Variants in DMXL2 observed in about 807,000 individuals in gnomAD.
DMXL2 encodes dmX-like protein 2.
DMXL2 carries 103 observed loss-of-function variants against 331.1 expected under a neutral mutation model. The ratio of observed to expected loss-of-function variants is 0.31; its 90% CI spans 0.27 to 0.37. DMXL2 has a LOEUF of 0.37. DMXL2 is among the 10% of genes least tolerant of loss of function. The pLI is 1.00. For synonymous variants in DMXL2, 1,281 were observed against 1,252.1 expected, an observed-to-expected ratio of 1.02 and a Z score of -0.49; for missense variants, 3,171 against 3,642.9, an observed-to-expected ratio of 0.87 and a Z score of 3.33.
rs140649025 is a variant in DMXL2 at position 51,617,225 on chromosome 15, C to T, written c.87+5234G>A. Among the ~76,000 whole-genome samples the T allele has an allele frequency of 5.3e-5, 8 of 152,170 alleles. No individual in the cohort carries two copies. The East Asian group carries it at 1.4e-3, about 26-fold the overall frequency. ...TTCTAAAGTAATATTTTAAATAGCC[C>T]AAATCCTAAGAACAGAAACTAAAAT... is the stretch of plus-strand genomic sequence containing the variant. On this transcript the variant is annotated intron_variant, in intron 1 of 43. Transcript: ENST00000560891.
At chr15:51,461,960 G>A (rs1370414100) in intron 33 of DMXL2, among the ~76,000 whole-genome samples, 2 of 152,142 alleles carry the variant, frequency 1.3e-5, no homozygotes, top group Non-Finnish European at 2.9e-5. Flanking sequence ...CAAATAATTT[G>A]CCTCTGATTT....
intron 2 of DMXL2, 41 bp from the exon 3 acceptor site, chr15:51,568,599 T>TA: frequency 7.9e-7 from 1 of 1,271,430 alleles, no homozygotes; most frequent in Non-Finnish European, 1.1e-6. Flanking sequence ...TAGAAAAGGG[T>TA]AAAATAAAGA....
chr15:51,477,868 G>C (rs1403927541), intron 26 of DMXL2, among the ~76,000 whole-genome samples: 2 of 151,936 alleles, frequency 1.3e-5, no homozygotes, highest in Non-Finnish European at 2.9e-5. Context: ...TCCATTTTAG[G>C]AATGTACTTT....
intron 26 of DMXL2, among the ~76,000 whole-genome samples, chr15:51,478,001 G>T (rs894296995): frequency 6.6e-6 from 1 of 151,924 alleles, no homozygotes; most frequent in African/African-American, 2.4e-5. Flanking sequence ...AAGTTATTAT[G>T]GACAGTAAAC....
chr15:51,560,644 G>A (rs753640755), intron 6 of DMXL2, among the ~76,000 whole-genome samples: 19 of 149,736 alleles, frequency 1.3e-4, no homozygotes, highest in African/African-American at 2.0e-4. Context: ...ACGCTAGCCC[G>A]GGTGACGGAT....
At chr15:51,542,308 T>C (rs746362931) in intron 9 of DMXL2, 25 bp downstream of exon 9, 15 of 1,595,986 alleles carry the variant, frequency 9.4e-6, no homozygotes, top group Non-Finnish European at 1.2e-5. Context: ...AACATATTTA[T>C]GGGAAATAAA....
At chr15:51,620,787 T>A (rs1053195938) in intron 1 of DMXL2, among the ~76,000 whole-genome samples, 1 of 152,120 alleles carries the variant, frequency 6.6e-6, no homozygotes, top group African/African-American at 2.4e-5. Context: ...GCAAGAAGAT[T>A]TGAAAATGAC....
chr15:51,453,712 G>T, intron 40 of DMXL2, 71 bp from the exon 41 acceptor site: 1 of 1,257,730 alleles, frequency 8.0e-7, no homozygotes, highest in Non-Finnish European at 1.2e-6. Flanking sequence ...CAACATACAT[G>T]TCTGCTAATA....
At chr15:51,609,533 T>A (rs1252142904) in intron 1 of DMXL2, among the ~76,000 whole-genome samples, 3 of 152,238 alleles carry the variant, frequency 2.0e-5, no homozygotes, top group Non-Finnish European at 4.4e-5. Flanking sequence ...ACCAATGCAG[T>A]ACAACTGGGT....
chr15:51,450,277 C>G lies in DMXL2; in HGVS notation c.8819G>C (p.Gly2940Ala), dbSNP rs773928014. 1.9e-5 allele frequency: 31 copies of G among 1,613,852 alleles called. 1 individual carries two copies. The East Asian group carries it at 3.6e-4, about 19-fold the overall frequency. Residue 2940 changes from glycine to alanine, a missense_variant, in exon 43 of 44, where the codon GGG (glycine) becomes GCG (alanine). This residue lies in a region of DMXL2 where 766 missense variants were observed against 940.5 expected (regional missense o/e 0.81). Coordinates refer to ENST00000560891, the MANE Select transcript of DMXL2 (RefSeq NM_001378457.1). ...AATGCAGACGTGTCCTTTCCTACCC[C>G]CCGAGATTAGGAGTTGCTGTTTGGG... ...YAPKQQLLIS[G>A]GRKGHVCIFD...
Position 51,448,841 on chromosome 15 carries a change from A to AGAT in DMXL2, c.*140_*142dup. 5.0e-6 allele frequency: 4 copies of AGAT among 804,092 alleles called. No homozygotes were observed. Among genetic ancestry groups the AGAT allele is most frequent in the Non-Finnish European group, 7.8e-6 (4 of 510,610 alleles). 49.8% of individuals were successfully genotyped at this position (804,092 alleles called of 1,614,324 possible). A position where few individuals can be genotyped will look rare whatever the true frequency, so the allele number is the denominator to read the frequency against. ...GCGCATTCATTCCACCAACCTGTTTAGATAATACTCAGCTTGGGTCATATT... is the reference window on the plus strand; with the variant it reads ...GCGCATTCATTCCACCAACCTGTTTAGATGATAATACTCAGCTTGGGTCATATT... On this transcript the variant is annotated 3_prime_UTR_variant, in exon 44 of 44. Transcript: ENST00000560891.
At chr15:51,508,273 C>T (rs903411167) in intron 15 of DMXL2, among the ~76,000 whole-genome samples, 1 of 152,040 alleles carries the variant, frequency 6.6e-6, no homozygotes, top group Non-Finnish European at 1.5e-5. Flanking sequence ...ACGTGTAAAC[C>T]TATGTAACAA....
At chr15:51,474,664 C>A (rs1666010353) in intron 27 of DMXL2, 72 bp from the exon 28 acceptor site, 8 of 1,455,674 alleles carry the variant, frequency 5.5e-6, no homozygotes, top group Non-Finnish European at 7.3e-6. Context: ...TCCAAATTTG[C>A]AACTTATCCA....
chr15:51,619,612 T>C (rs1039583187), intron 1 of DMXL2, among the ~76,000 whole-genome samples: 2 of 152,234 alleles, frequency 1.3e-5, no homozygotes, highest in Non-Finnish European at 2.9e-5. Flanking sequence ...TTTCTTTCAA[T>C]TATTACACTG....
At chr15:51,490,972 C>T (rs1471843265) in intron 20 of DMXL2, among the ~76,000 whole-genome samples, 1 of 152,184 alleles carries the variant, frequency 6.6e-6, no homozygotes, top group African/African-American at 2.4e-5. Flanking sequence ...CTCAAGTTTA[C>T]TTTCTAAAGT....
chr15:51,532,848 G>T (rs999364608), intron 13 of DMXL2, among the ~76,000 whole-genome samples: 1 of 152,098 alleles, frequency 6.6e-6, no homozygotes, highest in African/African-American at 2.4e-5. Context: ...AAGCCATACA[G>T]ATTAGAAAGG....
chr15:51,606,540 G>C (rs2053601307), intron 1 of DMXL2, among the ~76,000 whole-genome samples: 1 of 152,166 alleles, frequency 6.6e-6, no homozygotes, highest in Non-Finnish European at 1.5e-5. Context: ...AGATGGTTTA[G>C]AAAATTTCAA....
chr15:51,591,666 G>C (rs1029878949), intron 1 of DMXL2, among the ~76,000 whole-genome samples: 6 of 152,172 alleles, frequency 3.9e-5, no homozygotes, highest in Non-Finnish European at 8.8e-5. Context: ...TAGCCTAACT[G>C]GGAGGCACCC....
intron 28 of DMXL2, among the ~76,000 whole-genome samples, chr15:51,471,927 G>A (rs1190650242): frequency 6.6e-6 from 1 of 152,172 alleles, no homozygotes; most frequent in Non-Finnish European, 1.5e-5. Flanking sequence ...GTTAGGACAA[G>A]TCTGTGGCTA....
Sources: gnomAD v4.1 joint callset for allele counts (sites outside exome capture counted in the v4.1 genomes callset) on GRCh38, gnomAD v4.1.1 for gene constraint, gnomAD v4.1.1 regional missense constraint, MANE v1.5 for transcripts, NCBI Gene and HGNC (gene_info 2026-07-23, HGNC 2026-07-21) for gene names.